The following MCM3AP variants were observed in gnomAD, a reference collection of about 807,000 sequenced individuals.
MCM3AP encodes germinal-center associated nuclear protein.
A neutral mutation model predicts 184.1 loss-of-function variants in MCM3AP; 126 were observed. That is an observed-to-expected ratio of 0.68 (90% CI 0.59 to 0.79). The LOEUF is 0.79. Ranked by LOEUF, MCM3AP falls within the 30% of genes least tolerant of loss-of-function variation. The pLI is 0.00. For synonymous variants in MCM3AP, 1,002 were observed against 979.3 expected (o/e 1.02, Z -0.43); for missense variants, 2,496 against 2,479.2 (o/e 1.01, Z -0.14).
chr21:46,264,386 G>C lies in MCM3AP; in HGVS notation c.3235-169C>G, dbSNP rs369833171. On this transcript the variant is annotated intron_variant, in intron 12 of 27. Transcript: ENST00000291688. ...AAGGTGTCCCCTAGCGAATGGAAAG[G>C]TGCCATCTGGAGAGGAAGGCGCCCT... Among the ~76,000 whole-genome samples the C allele has an allele frequency of 2.4e-3, 369 of 152,304 alleles. 2 individuals are homozygous for C. Among genetic ancestry groups the C allele is most frequent in the African/African-American group, 8.3e-3 (343 of 41,570 alleles).
intron 13 of MCM3AP, among the ~76,000 whole-genome samples, chr21:46,263,657 G>A (rs1267507521): frequency 1.3e-5 from 2 of 151,390 alleles, no homozygotes; most frequent in East Asian, 2.0e-4. Context: ...GTGCCCACCT[G>A]TAATCTCAGC....
rs753743416 is a variant in MCM3AP, at chr21:46,285,150, G to A, written c.137C>T (p.Ser46Phe). Residue 46 changes from serine to phenylalanine, a missense_variant, in exon 1 of 28, where the codon TCT (serine) becomes TTT (phenylalanine). Ser to Phe is a radical substitution (Grantham distance 155, BLOSUM62 -2). Coordinates refer to ENST00000291688, the MANE Select transcript of MCM3AP (RefSeq NM_003906.5). ...PSLFGQNSTLSGKSSGFSQVS... is the reference protein window; with the variant it reads ...PSLFGQNSTLFGKSSGFSQVS... ...CTGTGAAAATCCCGAGCTCTTCCCA[G>A]ATAAGGTACTGTTTTGTCCAAAAAG... The A allele has an allele frequency of 7.6e-5, 123 of 1,614,064 alleles. 1 individual carries two copies. The highest frequency in any genetic ancestry group is 9.0e-5 in the Non-Finnish European group (106 of 1,180,038).
intron 25 of MCM3AP, 81 bp from the exon 26 acceptor site, chr21:46,241,098 C>T: frequency 1.9e-6 from 2 of 1,032,770 alleles, no homozygotes; most frequent in Non-Finnish European, 3.0e-6. Context: ...GATACATTTG[C>T]ACATGTGCAT....
At chr21:46,279,729 C>T (rs1202484415) in intron 4 of MCM3AP, among the ~76,000 whole-genome samples, 1 of 152,240 alleles carries the variant, frequency 6.6e-6, no homozygotes, top group Admixed American at 6.5e-5. Context: ...TCACTGCTCT[C>T]CACCATCTCT....
intron 9 of MCM3AP, 130 bp downstream of exon 9, chr21:46,270,271 G>A: frequency 1.2e-6 from 1 of 838,036 alleles, no homozygotes; most frequent in Non-Finnish European, 1.9e-6. Context: ...ACCCCTTCGT[G>A]GGGCTGCTGC....
In MCM3AP at chr21:46,265,538, A is replaced by C. The variant is rs2081099629; in HGVS notation, c.3032-15T>G. On this transcript the variant is annotated splice_polypyrimidine_tract_variant and intron_variant, in intron 11 of 27. Transcript: ENST00000291688. ...TCTCCCTCCGCCTGGAAGGAAACATACAGGACAAAACATAGCTGCAGACAC... is the reference window on the plus strand; with the variant it reads ...TCTCCCTCCGCCTGGAAGGAAACATCCAGGACAAAACATAGCTGCAGACAC... 2 of 1,552,628 alleles carry C rather than the reference A, an allele frequency of 1.3e-6. No individual in the cohort carries two copies. Among genetic ancestry groups the C allele is most frequent in the African/African-American group, 1.4e-5 (1 of 73,214 alleles).
intron 2 of MCM3AP, among the ~76,000 whole-genome samples, chr21:46,281,427 T>C (rs1011646321): frequency 3.3e-5 from 5 of 152,232 alleles, no homozygotes; most frequent in South Asian, 4.1e-4. Context: ...TATCAATGAA[T>C]TGTTTATAAA....
At chr21:46,267,233 G>A in intron 9 of MCM3AP, 91 bp from the exon 10 acceptor site, 1 of 1,215,702 alleles carries the variant, frequency 8.2e-7, no homozygotes, top group Non-Finnish European at 1.2e-6. Context: ...GGCCAGCGTG[G>A]GGCACATGGG....
intron 2 of MCM3AP, among the ~76,000 whole-genome samples, chr21:46,282,611 TG>T (rs1246197323): frequency 1.3e-5 from 2 of 152,074 alleles, no homozygotes; most frequent in African/African-American, 4.8e-5. Context: ...GAGACCATCC[TG>T]GCTGACACAG....
At position 46,256,847 on chromosome 21, in the gene MCM3AP, G is replaced by A; in HGVS notation, c.3874C>T (p.Leu1292=). 1 of 1,575,644 alleles carries A rather than the reference G, an allele frequency of 6.3e-7. No individual in the cohort carries two copies. Among genetic ancestry groups the A allele is most frequent in the Non-Finnish European group, 8.6e-7 (1 of 1,160,422 alleles). Residue 1292 remains leucine, a synonymous_variant, in exon 17 of 28, where the codon CTG becomes TTG. Transcript: ENST00000291688. The stretch of plus-strand genomic sequence containing the variant: ...CCCAGGTCCAGGAGGCCCCTGGCCA[G>A]GTTCTCTTCAGCAATGGGGCACTCT... The part of the protein sequence containing the change: ...SAECPIAEEN[L]ARGLLDLGHA...
At position 46,284,786 on chromosome 21, in the gene MCM3AP, G is replaced by T. The variant is rs1211169557; in HGVS notation, c.501C>A (p.Thr167=). Residue 167 remains threonine (T), a synonymous_variant, in exon 1 of 28, where the codon ACC becomes ACA. Transcript: ENST00000291688. ...AAAACCCAGAAGCAATTTGGCTCTG[G>T]GTTTTCTCTGGCTCAGATTCAGCCC... ...ILGAESEPEK[T]QSQIASGFFT... 1.9e-6 allele frequency: 3 copies of T among 1,613,546 alleles called. No homozygotes were observed. The African/African-American group carries it at 4.0e-5, about 22-fold the overall frequency.
Position 46,235,145 on chromosome 21 carries a change from G to A in MCM3AP, c.*123C>T. The A allele has an allele frequency of 3.7e-6, 4 of 1,088,276 alleles. No individual in the cohort carries two copies. The highest frequency in any genetic ancestry group is 5.2e-6 in the Non-Finnish European group (4 of 762,316). The allele number at this position is 1,088,276 out of a possible 1,614,324, so 67.4% of individuals were successfully genotyped here. On this transcript the variant is annotated 3_prime_UTR_variant, in exon 28 of 28. Coordinates refer to ENST00000291688, the MANE Select transcript of MCM3AP (RefSeq NM_003906.5). ...AAAACTGGGAGACTGACATTTAAAT[G>A]GTTTATCTGCATGATTAAATTAATC...
At chr21:46,266,603 G>A (rs995634056) in intron 10 of MCM3AP, 1 of 264,788 alleles carries the variant, frequency 3.8e-6, no homozygotes, top group African/African-American at 2.2e-5. Context: ...ACTCTGACTG[G>A]TAAGTACCGG....
intron 13 of MCM3AP, among the ~76,000 whole-genome samples, chr21:46,261,870 A>G (rs1009997728): frequency 3.9e-5 from 6 of 152,202 alleles, no homozygotes; most frequent in African/African-American, 1.2e-4. Flanking sequence ...CTTTTTGAGC[A>G]CAACATGTCA....
At position 46,284,443 on chromosome 21, in the gene MCM3AP, C is replaced by T. The variant is rs374222846; in HGVS notation, c.844G>A (p.Glu282Lys). The T allele has an allele frequency of 6.2e-7, 1 of 1,613,940 alleles. No homozygotes were observed. The highest frequency in any genetic ancestry group is 8.5e-7 in the Non-Finnish European group (1 of 1,180,028). ...QGCEEAVSQVEPLPSLMKGLK... is the reference protein window; with the variant it reads ...QGCEEAVSQVKPLPSLMKGLK... The stretch of plus-strand genomic sequence containing the variant: ...CCTTTCATTAGGCTGGGAAGTGGTT[C>T]CACCTGGGAAACAGCTTCTTCACAC... The change falls in exon 1 of 28, where the codon GAA (glutamate) becomes AAA (lysine). Residue 282 changes from glutamate (E) to lysine (K), a missense_variant. By Grantham distance (56) the Glu-to-Lys change is moderately conservative. Transcript: ENST00000291688.
In MCM3AP at chr21:46,246,358, G is replaced by A. The variant is rs1179285601; in HGVS notation, c.4596C>T (p.Tyr1532=). The A allele has an allele frequency of 6.2e-7, 1 of 1,613,152 alleles. No individual in the cohort carries two copies. The highest frequency in any genetic ancestry group is 8.5e-7 in the Non-Finnish European group (1 of 1,179,082). ...TGGTATCAGGGATCTCGGTAACAGT[G>A]TAATCTGAAATCAGCTTAGCTGAAA... The part of the protein sequence containing the change: ...DLVSAKLISD[Y]TVTEIPDTIN... Residue 1532 remains tyrosine, a synonymous_variant, in exon 22 of 28, where the codon TAC becomes TAT. Coordinates refer to ENST00000291688, the MANE Select transcript of MCM3AP (RefSeq NM_003906.5).
Position 46,284,885 on chromosome 21 carries a change from T to C in MCM3AP, c.402A>G (p.Ile134Met). ...TSAFGQEAGE[I>M]VNSGFGKTEF... ...CTGTTTTCCCAAAACCAGAGTTCAC[T>C]ATTTCTCCAGCTTCTTGTCCAAAAG... Residue 134 changes from isoleucine (I) to methionine (M), a missense_variant, in exon 1 of 28, where the codon ATA becomes ATG. Around this residue, in one of 5 missense-constraint regions of MCM3AP, gnomAD observed 800 missense variants for 717.1 expected, o/e 1.12. Transcript: ENST00000291688. The C allele has an allele frequency of 6.2e-7, 1 of 1,614,216 alleles. No homozygotes were observed. Among genetic ancestry groups the C allele is most frequent in the Non-Finnish European group, 8.5e-7 (1 of 1,180,034 alleles).
chr21:46,281,850 A>G (rs1240428012), intron 2 of MCM3AP, among the ~76,000 whole-genome samples: 1 of 151,468 alleles, frequency 6.6e-6, no homozygotes, highest in Non-Finnish European at 1.5e-5. Context: ...AACTACAAAA[A>G]TTAGCCAGGC....
At position 46,254,827 on chromosome 21, in the gene MCM3AP, T is replaced by TC. The variant is rs2080924150; in HGVS notation, c.3949_3950insG (p.Asn1317ArgfsTer19). The stretch of plus-strand genomic sequence containing the variant: ...AACCTTCATCTGGTGAGCTGTCTTG[T>TC]TTCTGAGCCGCCTTAACCTGCAAAG... On this transcript the variant is annotated frameshift_variant, in exon 18 of 28. Transcript: ENST00000291688. LOFTEE classifies it high-confidence loss of function. The TC allele has an allele frequency of 1.2e-6, 2 of 1,613,984 alleles. No individual in the cohort carries two copies. Among genetic ancestry groups the TC allele is most frequent in the Non-Finnish European group, 1.7e-6 (2 of 1,180,008 alleles).
Sources: allele counts gnomAD v4.1 joint callset (sites outside exome capture counted in the v4.1 genomes callset), GRCh38; gene constraint gnomAD v4.1.1; regional missense constraint gnomAD v4.1.1; transcripts MANE v1.5; gene names NCBI Gene and HGNC (gene_info 2026-07-23, HGNC 2026-07-21).